Variants in CEP85 observed in about 807,000 individuals in gnomAD.
CEP85 encodes centrosomal protein 85.
Under a neutral mutation model 93.7 loss-of-function variants are expected in CEP85, and 58 were observed. The ratio of observed to expected loss-of-function variants is 0.62; its 90% CI spans 0.50 to 0.77. CEP85 has a LOEUF of 0.77. Among genes scored for constraint, CEP85 ranks in the 30% least tolerant of loss-of-function variants. CEP85 has a pLI of 0.00. For missense variants in CEP85, 868 were observed against 922.0 expected (o/e 0.94, Z 0.76); for synonymous variants, 314 against 338.6 (o/e 0.93, Z 0.80).
chr1:26,257,618 C>T lies in CEP85; in HGVS notation c.925C>T (p.His309Tyr). The T allele has an allele frequency of 6.2e-7, 1 of 1,614,206 alleles. No homozygotes were observed. The highest frequency in any genetic ancestry group is 1.7e-5 in the Admixed American group (1 of 60,020). The change falls in exon 5 of 14, where the codon CAC becomes TAC. Residue 309 changes from histidine (H) to tyrosine (Y), a missense_variant. By Grantham distance (83) the His-to-Tyr change is moderately conservative (BLOSUM62 2). Coordinates refer to ENST00000451429, the MANE Select transcript of CEP85 (RefSeq NM_001319944.2). ...QMQLQNGAIC[H>Y]HPAAFGPSLP... Reference sequence around the variant, plus strand: ...TCAGCTTCAGAATGGAGCCATCTGCCACCATCCTGCTGCTTTTGGTCCTTC... The same window carrying T: ...TCAGCTTCAGAATGGAGCCATCTGCTACCATCCTGCTGCTTTTGGTCCTTC...
intron 3 of CEP85, among the ~76,000 whole-genome samples, chr1:26,253,485 G>A (rs1569994019): frequency 6.6e-6 from 1 of 151,402 alleles, no homozygotes; most frequent in Non-Finnish European, 1.5e-5. Context: ...CACCTCCTGG[G>A]TTCAAGCGAT....
chr1:26,236,828 C>T (rs1252877130), intron 1 of CEP85, among the ~76,000 whole-genome samples: 1 of 152,076 alleles, frequency 6.6e-6, no homozygotes, highest in Non-Finnish European at 1.5e-5. Context: ...GGTAAGACAA[C>T]TCTTAGTGGG....
intron 1 of CEP85, among the ~76,000 whole-genome samples, 178 bp downstream of exon 1, chr1:26,234,488 C>T (rs1289712742): frequency 6.6e-6 from 1 of 152,242 alleles, no homozygotes; most frequent in Non-Finnish European, 1.5e-5. Flanking sequence ...GCGTCCCATT[C>T]CCCTCGCTTC....
At chr1:26,272,162 G>C in intron 11 of CEP85, 91 bp downstream of exon 11, 8 of 1,314,364 alleles carry the variant, frequency 6.1e-6, no homozygotes, top group Non-Finnish European at 8.7e-6. Context: ...CTGCCATGCA[G>C]GTTGCTCAGT....
intron 2 of CEP85, among the ~76,000 whole-genome samples, 181 bp from the exon 3 acceptor site, chr1:26,243,985 C>T (rs1419098889): frequency 8.6e-5 from 11 of 127,526 alleles, no homozygotes; most frequent in African/African-American, 3.3e-4. Context: ...AGAGCAGACT[C>T]CGTCTCAAAA....
rs780341742 is a variant in CEP85, at chr1:26,276,663, G to T, written c.2031G>T (p.Leu677Phe). The T allele has an allele frequency of 1.9e-6, 3 of 1,614,066 alleles. No homozygotes were observed. Among genetic ancestry groups the T allele is most frequent in the Non-Finnish European group, 2.5e-6 (3 of 1,180,044 alleles). ...AQLALELHQELASCLQDLQAV... is the reference protein window; with the variant it reads ...AQLALELHQEFASCLQDLQAV... Reference sequence around the variant, plus strand: ...TGGCACTTGAGCTGCACCAGGAGTTGGCCAGTTGCCTTCAAGATCTGCAGG... The same window carrying T: ...TGGCACTTGAGCTGCACCAGGAGTTTGCCAGTTGCCTTCAAGATCTGCAGG... Residue 677 changes from leucine (L) to phenylalanine (F), a missense_variant, in exon 13 of 14, where the codon TTG (leucine) becomes TTT (phenylalanine). Coordinates refer to ENST00000451429, the MANE Select transcript of CEP85 (RefSeq NM_001319944.2).
intron 3 of CEP85, among the ~76,000 whole-genome samples, chr1:26,250,917 TTTTTTTTC>T (rs1310182431): frequency 6.2e-4 from 21 of 33,844 alleles, no homozygotes; most frequent in African/African-American, 2.2e-3. Context: ...AGCTTGCCTT[TTTTTTTTC>T]TTTTTTCTTT....
intron 4 of CEP85, among the ~76,000 whole-genome samples, chr1:26,257,360 A>G (rs77683139): frequency 0.015 from 2,289 of 152,298 alleles, 60 homozygotes; most frequent in African/African-American, 0.052. Flanking sequence ...AATAAAAGAT[A>G]ACTGACCTTT....
chr1:26,277,758 C>T lies in CEP85; in HGVS notation c.*465C>T, dbSNP rs1403099121. 1 of 155,762 alleles carries T rather than the reference C, an allele frequency of 6.4e-6. No homozygotes were observed. The highest frequency in any genetic ancestry group is 2.4e-5 in the African/African-American group (1 of 41,464). 9.6% of individuals were successfully genotyped at this position (155,762 alleles called of 1,614,324 possible). On this transcript the variant is annotated 3_prime_UTR_variant, in exon 14 of 14. Coordinates refer to ENST00000451429, the MANE Select transcript of CEP85 (RefSeq NM_001319944.2). The stretch of plus-strand genomic sequence containing the variant: ...TTCTCAGGCCCCATGTGCCAGCCTT[C>T]TTGGGAACTGAGCTGGCTTTCTGGG...
Position 26,257,758 on chromosome 1 carries a change from C to A in CEP85, c.1037+28C>A, listed in dbSNP as rs1254236113. 1.9e-6 allele frequency: 3 copies of A among 1,612,774 alleles called. No homozygotes were observed. The Admixed American group carries it at 5.0e-5, about 27-fold the overall frequency. On this transcript the variant is annotated intron_variant, in intron 5 of 13. Coordinates refer to ENST00000451429, the MANE Select transcript of CEP85 (RefSeq NM_001319944.2). ...AAGAGGGCAAGGGGTACCACAGAGC[C>A]AGACTACTCTCCCAGGCCCCATTGA...
intron 3 of CEP85, 130 bp from the exon 4 acceptor site, chr1:26,255,041 C>T (rs1389809585): frequency 1.3e-6 from 1 of 751,014 alleles, no homozygotes; most frequent in Non-Finnish European, 2.2e-6. Context: ...TTTCTTTCTG[C>T]CTGATACTTT....
intron 1 of CEP85, among the ~76,000 whole-genome samples, chr1:26,235,641 C>T (rs1322944118): frequency 3.0e-5 from 4 of 135,068 alleles, no homozygotes; most frequent in African/African-American, 1.1e-4. Context: ...GGCGCGATGT[C>T]GGCTCACCGC....
Position 26,258,226 on chromosome 1 carries a change from C to T in CEP85, c.1121C>T (p.Ala374Val), listed in dbSNP as rs762506097. Residue 374 changes from alanine (A) to valine (V), a missense_variant, in exon 6 of 14, where the codon GCC (alanine) becomes GTC (valine). Transcript: ENST00000451429. Reference sequence around the variant, plus strand: ...CACAGTGCCCTCTTGGGCCGCCCTGCCCCCTTTGGTGATGTCTGCTTGCTG... The same window carrying T: ...CACAGTGCCCTCTTGGGCCGCCCTGTCCCCTTTGGTGATGTCTGCTTGCTG... ...QVHSALLGRPAPFGDVCLLRL... is the reference protein window; with the variant it reads ...QVHSALLGRPVPFGDVCLLRL... 1.6e-4 allele frequency: 252 copies of T among 1,613,726 alleles called. No individual in the cohort carries two copies. The highest frequency in any genetic ancestry group is 2.1e-4 in the Non-Finnish European group (248 of 1,179,780).
intron 7 of CEP85, among the ~76,000 whole-genome samples, chr1:26,260,738 G>A (rs927349314): frequency 2.0e-5 from 3 of 151,390 alleles, no homozygotes; most frequent in Non-Finnish European, 2.9e-5. Flanking sequence ...TGGGGATCTT[G>A]TTAAAAATGT....
At position 26,255,686 on chromosome 1, in the gene CEP85, T is replaced by C; in HGVS notation, c.724T>C (p.Ser242Pro). The C allele has an allele frequency of 6.2e-7, 1 of 1,614,106 alleles. No individual in the cohort carries two copies. The highest frequency in any genetic ancestry group is 8.5e-7 in the Non-Finnish European group (1 of 1,180,012). The stretch of plus-strand genomic sequence containing the variant: ...AGTGTTTGAGCGGAATGGACCACAT[T>C]CTAATAGCAGTGGGGTCCTCCCTTT... ...GAVFERNGPH[S>P]NSSGVLPLGL... The change falls in exon 4 of 14, where the codon TCT (serine) becomes CCT (proline). Residue 242 changes from serine (S) to proline (P), a missense_variant. Coordinates refer to ENST00000451429, the MANE Select transcript of CEP85 (RefSeq NM_001319944.2).
In CEP85 at chr1:26,269,782, C is replaced by CTTTTTTTTTT. The variant is rs748230113; in HGVS notation, c.1649+181_1649+190dup. Among the ~76,000 whole-genome samples, 11 of 84,710 alleles carry CTTTTTTTTTT rather than the reference C, an allele frequency of 1.3e-4. 1 individual carries two copies. The highest frequency in any genetic ancestry group is 3.1e-4 in the East Asian group (1 of 3,234). 55.6% of individuals were successfully genotyped at this position (84,710 alleles called of 152,430 possible). A position where few individuals can be genotyped will look rare whatever the true frequency, so the allele number is the denominator to read the frequency against. ...TAGGAAAGCTGCTTATGGGAAGCGG[C>CTTTTTTTTTT]TTTTTTTTTTTTTTTTTTTTTTGAG... is the stretch of plus-strand genomic sequence containing the variant. On this transcript the variant is annotated intron_variant, in intron 9 of 13. Transcript: ENST00000451429.
chr1:26,238,248 T>C (rs2089361171), intron 1 of CEP85, among the ~76,000 whole-genome samples: 1 of 119,392 alleles, frequency 8.4e-6, no homozygotes, highest in South Asian at 2.7e-4. Context: ...TCGCCCAGGC[T>C]GGAGTGCAAT....
At chr1:26,273,900 CAAAA>C (rs1316524503) in intron 11 of CEP85, among the ~76,000 whole-genome samples, 30 of 124,698 alleles carry the variant, frequency 2.4e-4, no homozygotes, top group South Asian at 5.6e-4. Flanking sequence ...AACCCCATCT[CAAAA>C]TAAATAAATA....
intron 1 of CEP85, 84 bp downstream of exon 1, chr1:26,234,394 C>T (rs2089289960): frequency 1.3e-5 from 2 of 152,300 alleles, no homozygotes; most frequent in Admixed American, 1.3e-4. Flanking sequence ...CTCAGACGCT[C>T]GCGACCTGCC....
Sources: gnomAD v4.1 joint callset for allele counts (sites outside exome capture counted in the v4.1 genomes callset) on GRCh38, gnomAD v4.1.1 for gene constraint, MANE v1.5 for transcripts, NCBI Gene and HGNC (gene_info 2026-07-23, HGNC 2026-07-21) for gene names.